TINAG: variants seen among roughly 807,000 people sequenced by gnomAD.
TINAG encodes tubulointerstitial nephritis antigen.
Under a neutral mutation model 72.7 loss-of-function variants are expected in TINAG, and 83 were observed. That is an observed-to-expected ratio of 1.14 (90% CI 0.96 to 1.37). The LOEUF is 1.37. Ranked by LOEUF, TINAG falls within the 40% of genes most tolerant of loss-of-function variation. The pLI is 0.00. For synonymous variants in TINAG, 234 were observed against 189.9 expected (o/e 1.23, Z -1.91); for missense variants, 685 against 576.6 (o/e 1.19, Z -1.93).
At chr6:54,374,856 T>C (rs1562182650) in intron 9 of TINAG, among the ~76,000 whole-genome samples, 1 of 152,092 alleles carries the variant, frequency 6.6e-6, no homozygotes, top group Non-Finnish European at 1.5e-5. Context: ...CCTGTTCAAG[T>C]AGGGTGTCCT....
intron 10 of TINAG, among the ~76,000 whole-genome samples, chr6:54,389,088 C>T (rs972151207): frequency 6.6e-6 from 1 of 152,096 alleles, no homozygotes; most frequent in African/African-American, 2.4e-5. Context: ...CCTCCCCTTC[C>T]AGCCTCATAA....
In TINAG at chr6:54,390,074, T is replaced by C; in HGVS notation, c.*149T>C. 1 of 1,055,356 alleles carries C rather than the reference T, an allele frequency of 9.5e-7. No individual in the cohort carries two copies. The highest frequency in any genetic ancestry group is 3.0e-5 in the Admixed American group (1 of 33,212). 65.4% of individuals were successfully genotyped at this position (1,055,356 alleles called of 1,614,324 possible). A position where few individuals can be genotyped will look rare whatever the true frequency, so the allele number is the denominator to read the frequency against. On this transcript the variant is annotated 3_prime_UTR_variant, in exon 11 of 11. Coordinates refer to ENST00000259782, the MANE Select transcript of TINAG (RefSeq NM_014464.4). Reference sequence around the variant, plus strand: ...TTTTCTTATTTTCCCCTCTGGTCTATGCTTCTGCTTCCTTCATATTACTGA... The same window carrying C: ...TTTTCTTATTTTCCCCTCTGGTCTACGCTTCTGCTTCCTTCATATTACTGA...
rs569062123 is a variant in TINAG, at chr6:54,330,871, T to C, written c.624+3955T>C. 5.9e-5 allele frequency among the ~76,000 whole-genome samples: 9 copies of C among 152,238 alleles called. No homozygotes were observed. In the South Asian group the frequency reaches 1.9e-3, roughly 32 times the overall value. ...GAAAATCTAGAAGAAATGGATGAAT[T>C]CCTGGGCACATACACCCTCCCAGGA... On this transcript the variant is annotated intron_variant, in intron 4 of 10. Coordinates refer to ENST00000259782, the MANE Select transcript of TINAG (RefSeq NM_014464.4).
At chr6:54,310,876 T>G (rs1437777733) in intron 1 of TINAG, among the ~76,000 whole-genome samples, 1 of 117,528 alleles carries the variant, frequency 8.5e-6, no homozygotes, top group Non-Finnish European at 1.8e-5. Flanking sequence ...TCTCTTTCTT[T>G]TTTTCTCTCT....
intron 3 of TINAG, 104 bp from the exon 4 acceptor site, chr6:54,326,698 T>C (rs1784609929): frequency 1.4e-6 from 1 of 722,732 alleles, no homozygotes; most frequent in African/African-American, 1.9e-5. Flanking sequence ...TTGTGAGATT[T>C]GCTGCTATTA....
chr6:54,320,756 T>C, intron 2 of TINAG, 114 bp downstream of exon 2: 1 of 758,156 alleles, frequency 1.3e-6, no homozygotes, highest in South Asian at 2.3e-5. Flanking sequence ...GGCAGAATCA[T>C]ACATCATAAG....
intron 1 of TINAG, among the ~76,000 whole-genome samples, chr6:54,317,910 A>G (rs184470158): frequency 2.5e-4 from 38 of 152,194 alleles, no homozygotes; most frequent in Admixed American, 4.6e-4. Context: ...TACCAAATGC[A>G]ATATTCAGAT....
At chr6:54,341,633 T>C (rs905971200) in intron 4 of TINAG, among the ~76,000 whole-genome samples, 15 of 152,186 alleles carry the variant, frequency 9.9e-5, no homozygotes, top group African/African-American at 3.4e-4. Flanking sequence ...ATTCTAAACA[T>C]TCCTTGTTTT....
intron 10 of TINAG, among the ~76,000 whole-genome samples, chr6:54,385,099 A>G (rs183228223): frequency 1.1e-3 from 169 of 152,280 alleles, no homozygotes; most frequent in Admixed American, 2.6e-3. Flanking sequence ...AAGGTTGAAA[A>G]GAATAATTCA....
At chr6:54,327,903 G>C (rs1343105040) in intron 4 of TINAG, among the ~76,000 whole-genome samples, 1 of 152,128 alleles carries the variant, frequency 6.6e-6, no homozygotes, top group Non-Finnish European at 1.5e-5. Flanking sequence ...ACTGTAGCCA[G>C]GCTGCCTCTC....
At chr6:54,308,024 G>A, upstream of TINAG, 1 of 1,548,690 alleles carries the variant, frequency 6.5e-7, no homozygotes, top group Non-Finnish European at 8.7e-7. Flanking sequence ...GCATGATTTA[G>A]AGCAACTGTT....
intron 4 of TINAG, among the ~76,000 whole-genome samples, chr6:54,332,485 T>A (rs2150946237): frequency 6.6e-6 from 1 of 152,256 alleles, no homozygotes; most frequent in African/African-American, 2.4e-5. Flanking sequence ...AATTAAAGAC[T>A]TGAACATAAG....
rs1187189624 is a variant in TINAG, at chr6:54,308,639, A to G, written c.89A>G (p.Asp30Gly). The G allele has an allele frequency of 6.2e-7, 1 of 1,613,786 alleles. No homozygotes were observed. Among genetic ancestry groups the G allele is most frequent in the Non-Finnish European group, 8.5e-7 (1 of 1,179,830 alleles). ...CAGTATTTATCTCAAAGAGAAGTGG[A>G]CCTAGAGGCTTATTTCACTAGGAAT... ...EKQYLSQREV[D>G]LEAYFTRNHT... The change falls in exon 1 of 11, where the codon GAC (aspartate) becomes GGC (glycine). Residue 30 changes from aspartate (D) to glycine (G), a missense_variant. Asp to Gly is a moderately conservative substitution (Grantham distance 94, BLOSUM62 -1). Coordinates refer to ENST00000259782, the MANE Select transcript of TINAG (RefSeq NM_014464.4).
chr6:54,318,641 C>T (rs1340670), intron 1 of TINAG, among the ~76,000 whole-genome samples: 92,877 of 151,910 alleles, frequency 0.61, 28,625 homozygotes, highest in Middle Eastern at 0.73. Flanking sequence ...TTTGGTCTTA[C>T]TCTAAATTTG....
intron 1 of TINAG, among the ~76,000 whole-genome samples, chr6:54,314,182 G>T (rs1465907675): frequency 6.6e-5 from 10 of 152,176 alleles, no homozygotes; most frequent in African/African-American, 2.4e-5. Context: ...ATGTCAGATT[G>T]GTGACAACCC....
intron 9 of TINAG, among the ~76,000 whole-genome samples, chr6:54,360,627 A>G (rs573281199): frequency 5.9e-5 from 9 of 151,660 alleles, no homozygotes; most frequent in African/African-American, 1.9e-4. Flanking sequence ...CATTAATGCC[A>G]TTTACTTTTG....
intron 9 of TINAG, among the ~76,000 whole-genome samples, chr6:54,368,161 C>T (rs1275246567): frequency 6.7e-6 from 1 of 150,196 alleles, no homozygotes; most frequent in Non-Finnish European, 1.5e-5. Context: ...ATGGTTTTGA[C>T]CTGTATAATA....
chr6:54,338,217 T>C (rs902080739), intron 4 of TINAG, among the ~76,000 whole-genome samples: 4 of 152,176 alleles, frequency 2.6e-5, no homozygotes, highest in Admixed American at 2.0e-4. Context: ...AAATTGACTA[T>C]GGCTTGAACA....
At chr6:54,327,094 TG>T (rs1306520589) in intron 4 of TINAG, 178 bp downstream of exon 4, 4 of 1,542,268 alleles carry the variant, frequency 2.6e-6, no homozygotes, top group Non-Finnish European at 3.5e-6. Flanking sequence ...AAGTTTCATA[TG>T]AGATTTGCAA....
Sources: allele counts gnomAD v4.1 joint callset (sites outside exome capture counted in the v4.1 genomes callset), GRCh38; gene constraint gnomAD v4.1.1; transcripts MANE v1.5; gene names NCBI Gene and HGNC (gene_info 2026-07-23, HGNC 2026-07-21).